KHDRBS3: variants seen among roughly 807,000 people sequenced by gnomAD.
KHDRBS3 encodes the protein KH domain-containing, RNA-binding, signal transduction-associated protein 3.
KHDRBS3 carries 23 observed loss-of-function variants against 45.6 expected under a neutral mutation model. The ratio of observed to expected loss-of-function variants is 0.50; its 90% CI spans 0.36 to 0.72. KHDRBS3 has a LOEUF of 0.72. KHDRBS3 is among the 30% of genes least tolerant of loss of function. The pLI, the probability that KHDRBS3 is intolerant of heterozygous loss-of-function variation, is 0.00. For synonymous variants in KHDRBS3, 162 were observed against 156.5 expected (o/e 1.04, Z -0.26); for missense variants, 352 against 424.8 (o/e 0.83, Z 1.51).
intron 7 of KHDRBS3, among the ~76,000 whole-genome samples, chr8:135,617,755 A>G (rs1586811903): frequency 6.6e-6 from 1 of 152,332 alleles, no homozygotes; most frequent in South Asian, 2.1e-4. Flanking sequence ...TAAGTATTAT[A>G]TCCAGAAACT....
intron 7 of KHDRBS3, among the ~76,000 whole-genome samples, chr8:135,623,694 A>C (rs1404538433): frequency 2.0e-5 from 3 of 152,184 alleles, no homozygotes; most frequent in Non-Finnish European, 4.4e-5. Flanking sequence ...AGGGCAACAA[A>C]AGTCTAAAAG....
At chr8:135,542,798 G>A in intron 3 of KHDRBS3, 28 bp downstream of exon 3, 1 of 1,398,700 alleles carries the variant, frequency 7.1e-7, no homozygotes, top group African/African-American at 1.4e-5. Context: ...AAACGGCTAA[G>A]TTGTGTATCA....
chr8:135,620,380 G>A (rs1040081668), intron 7 of KHDRBS3, among the ~76,000 whole-genome samples: 1 of 152,116 alleles, frequency 6.6e-6, no homozygotes, highest in Non-Finnish European at 1.5e-5. Context: ...GGGATTACAG[G>A]TGTGAGCTAC....
chr8:135,554,773 G>A lies in KHDRBS3; in HGVS notation c.472-2675G>A, dbSNP rs939056211. ...GAATGCCTTCTACTACAAGTTTCAA[G>A]TCATTTTTTGCATTCTGCTTTTGAA... On this transcript the variant is annotated intron_variant, in intron 4 of 8. Coordinates refer to ENST00000355849, the MANE Select transcript of KHDRBS3 (RefSeq NM_006558.3). 2.6e-5 allele frequency among the ~76,000 whole-genome samples: 4 copies of A among 152,102 alleles called. No individual in the cohort carries two copies. The East Asian group carries it at 7.7e-4, about 29-fold the overall frequency.
At chr8:135,545,269 TAAG>T (rs1233894016) in intron 3 of KHDRBS3, among the ~76,000 whole-genome samples, 1 of 152,042 alleles carries the variant, frequency 6.6e-6, no homozygotes, top group African/African-American at 2.4e-5. Flanking sequence ...CAGGAGATGA[TAAG>T]GAGGAGGAGT....
intron 8 of KHDRBS3, among the ~76,000 whole-genome samples, chr8:135,645,747 G>A (rs928743346): frequency 5.9e-5 from 9 of 152,132 alleles, no homozygotes; most frequent in African/African-American, 1.9e-4. Context: ...AGAATTGGCG[G>A]CAGCAACATA....
chr8:135,532,024 G>T (rs1825504287), intron 2 of KHDRBS3, among the ~76,000 whole-genome samples: 1 of 152,140 alleles, frequency 6.6e-6, no homozygotes, highest in Non-Finnish European at 1.5e-5. Context: ...TCAGGATCTT[G>T]AAAATGATTA....
intron 1 of KHDRBS3, among the ~76,000 whole-genome samples, chr8:135,487,620 A>G (rs1822929253): frequency 6.6e-6 from 1 of 152,224 alleles, no homozygotes; most frequent in South Asian, 2.1e-4. Flanking sequence ...GGGAGTTTTC[A>G]CAGGAATGGT....
At chr8:135,648,927 T>C (rs1312756560), downstream of KHDRBS3, among the ~76,000 whole-genome samples, 1 of 152,154 alleles carries the variant, frequency 6.6e-6, no homozygotes, top group Non-Finnish European at 1.5e-5. Flanking sequence ...AAGAGCAGTT[T>C]GCCAAATTTA....
chr8:135,581,221 G>A (rs1171907284), intron 5 of KHDRBS3, among the ~76,000 whole-genome samples: 1 of 152,122 alleles, frequency 6.6e-6, no homozygotes, highest in South Asian at 2.1e-4. Context: ...GTTTTCTCAG[G>A]TTTTTGCTTC....
At position 135,484,940 on chromosome 8, in the gene KHDRBS3, C is replaced by T. The variant is rs1349414592; in HGVS notation, c.88+26986C>T. Among the ~76,000 whole-genome samples, 8 of 152,112 alleles carry T rather than the reference C, an allele frequency of 5.3e-5. No homozygotes were observed. In the East Asian group the frequency reaches 7.7e-4, roughly 15 times the overall value. ...TTATTATTTTATAGATGCTATTTGT[C>T]GAGTGCTGTGCCAACTGTGGAGCAC... On this transcript the variant is annotated intron_variant, in intron 1 of 8. Transcript: ENST00000355849.
chr8:135,550,746 A>G (rs1826546695), intron 4 of KHDRBS3, among the ~76,000 whole-genome samples: 1 of 151,958 alleles, frequency 6.6e-6, no homozygotes, highest in East Asian at 1.9e-4. Flanking sequence ...CAGCTTCTTA[A>G]TTTCTATTAA....
intron 2 of KHDRBS3, among the ~76,000 whole-genome samples, chr8:135,533,222 G>C (rs1351049444): frequency 6.6e-6 from 1 of 152,162 alleles, no homozygotes; most frequent in Admixed American, 6.5e-5. Flanking sequence ...TACTGCAAAA[G>C]ACACTGTTAA....
At chr8:135,521,662 A>G in intron 2 of KHDRBS3, among the ~76,000 whole-genome samples, 1 of 152,184 alleles carries the variant, frequency 6.6e-6, no homozygotes, top group Non-Finnish European at 1.5e-5. Context: ...TTAAAATTAC[A>G]TGAGATAATC....
At chr8:135,512,191 A>G (rs1430817843) in intron 1 of KHDRBS3, among the ~76,000 whole-genome samples, 1 of 152,208 alleles carries the variant, frequency 6.6e-6, no homozygotes. Flanking sequence ...ATTCCTTTTC[A>G]GATTAGCAGC....
At chr8:135,496,790 C>T (rs561982103) in intron 1 of KHDRBS3, among the ~76,000 whole-genome samples, 6 of 152,308 alleles carry the variant, frequency 3.9e-5, no homozygotes, top group African/African-American at 9.6e-5. Context: ...GGCTGCTGGT[C>T]GGCTGGTGGT....
At chr8:135,613,588 A>G (rs999094630) in intron 7 of KHDRBS3, among the ~76,000 whole-genome samples, 4 of 151,574 alleles carry the variant, frequency 2.6e-5, no homozygotes, top group Admixed American at 2.6e-4. Flanking sequence ...CTGCAGCTCT[A>G]AATTCCTTCT....
At chr8:135,486,027 G>A (rs1230189159) in intron 1 of KHDRBS3, among the ~76,000 whole-genome samples, 1 of 151,930 alleles carries the variant, frequency 6.6e-6, no homozygotes, top group Admixed American at 6.5e-5. Context: ...AGAGCAGCAT[G>A]CCAGAGACTC....
At chr8:135,501,106 T>C (rs1484652907) in intron 1 of KHDRBS3, among the ~76,000 whole-genome samples, 1 of 152,206 alleles carries the variant, frequency 6.6e-6, no homozygotes, top group Non-Finnish European at 1.5e-5. Context: ...TGTCTGCTGT[T>C]TGGTAGGCTC....
Sources: gnomAD v4.1 joint callset for allele counts (sites outside exome capture counted in the v4.1 genomes callset) on GRCh38, gnomAD v4.1.1 for gene constraint, MANE v1.5 for transcripts, NCBI Gene and HGNC (gene_info 2026-07-23, HGNC 2026-07-21) for gene names.